HS3ST4: variants seen among roughly 807,000 people sequenced by gnomAD.
The protein encoded by HS3ST4 is heparan sulfate-glucosamine 3-sulfotransferase 4, also known as heparan sulfate glucosamine 3-O-sulfotransferase 4.
In HS3ST4, 17 loss-of-function variants were observed where a neutral mutation model predicts 29.2. That is an observed-to-expected ratio of 0.58 (90% CI 0.40 to 0.87). HS3ST4 has a LOEUF of 0.87. Ranked by LOEUF, HS3ST4 falls within the 40% of genes least tolerant of loss-of-function variation. The pLI is 0.00. For synonymous variants in HS3ST4, 314 were observed against 285.7 expected (o/e 1.10, Z -1.00); for missense variants, 627 against 634.5 (o/e 0.99, Z 0.13).
At chr16:26,088,638 T>C (rs1366830423) in intron 1 of HS3ST4, among the ~76,000 whole-genome samples, 1 of 152,240 alleles carries the variant, frequency 6.6e-6, no homozygotes, top group East Asian at 1.9e-4. Flanking sequence ...AATGACTGGA[T>C]AAGGTAGGAG....
chr16:25,945,599 A>G (rs1473140619), intron 1 of HS3ST4, among the ~76,000 whole-genome samples: 1 of 152,214 alleles, frequency 6.6e-6, no homozygotes, highest in Non-Finnish European at 1.5e-5. Flanking sequence ...TACAGTTTCT[A>G]CTACTGCAAT....
chr16:25,851,102 C>T (rs1967516782), intron 1 of HS3ST4, among the ~76,000 whole-genome samples: 1 of 152,116 alleles, frequency 6.6e-6, no homozygotes, highest in Admixed American at 6.5e-5. Context: ...GAGACATGGC[C>T]AAGCACTGTG....
intron 1 of HS3ST4, among the ~76,000 whole-genome samples, chr16:26,008,870 G>A (rs1969283104): frequency 1.3e-5 from 2 of 152,092 alleles, no homozygotes; most frequent in Non-Finnish European, 2.9e-5. Context: ...ATTTTTGGAT[G>A]GCATGTCTTC....
intron 1 of HS3ST4, among the ~76,000 whole-genome samples, chr16:26,107,303 G>A (rs1437364167): frequency 6.6e-6 from 1 of 151,728 alleles, no homozygotes; most frequent in African/African-American, 2.4e-5. Flanking sequence ...ATATGTGTGT[G>A]TGTGTGTATA....
At chr16:25,765,860 C>T (rs1422715070) in intron 1 of HS3ST4, among the ~76,000 whole-genome samples, 1 of 152,076 alleles carries the variant, frequency 6.6e-6, no homozygotes, top group East Asian at 1.9e-4. Context: ...GGGGGCTGTG[C>T]TGGGAGGGGG....
At chr16:25,880,498 G>A (rs935493558) in intron 1 of HS3ST4, among the ~76,000 whole-genome samples, 14 of 152,192 alleles carry the variant, frequency 9.2e-5, no homozygotes, top group African/African-American at 3.4e-4. Context: ...CCAAATGGGA[G>A]TAAATACTTT....
intron 1 of HS3ST4, among the ~76,000 whole-genome samples, chr16:25,886,537 TC>T (rs1246788098): frequency 8.5e-5 from 13 of 152,174 alleles, no homozygotes; most frequent in African/African-American, 2.9e-4. Context: ...AAGCTCAGTT[TC>T]CCGAAGCAAC....
At chr16:25,866,327 T>G (rs1967694209) in intron 1 of HS3ST4, among the ~76,000 whole-genome samples, 1 of 152,196 alleles carries the variant, frequency 6.6e-6, no homozygotes, top group Admixed American at 6.5e-5. Context: ...GATCTTTTGC[T>G]TAGAGAGTTT....
intron 1 of HS3ST4, among the ~76,000 whole-genome samples, chr16:25,933,639 T>TA (rs1238685598): frequency 6.6e-6 from 1 of 152,192 alleles, no homozygotes; most frequent in Non-Finnish European, 1.5e-5. Context: ...CTGAGACTGG[T>TA]AATTTATAAA....
intron 1 of HS3ST4, among the ~76,000 whole-genome samples, chr16:25,855,099 AATAGGTC>A: frequency 6.6e-6 from 1 of 152,200 alleles, no homozygotes; most frequent in African/African-American, 2.4e-5. Flanking sequence ...GTGGGGAACC[AATAGGTC>A]ATAGGAGGAT....
At chr16:26,097,159 C>T (rs1251984771) in intron 1 of HS3ST4, among the ~76,000 whole-genome samples, 2 of 152,116 alleles carry the variant, frequency 1.3e-5, no homozygotes, top group Non-Finnish European at 1.5e-5. Flanking sequence ...CCATACTGCC[C>T]AAGGTAATTT....
intron 1 of HS3ST4, among the ~76,000 whole-genome samples, chr16:25,794,416 C>A (rs890040133): frequency 1.3e-5 from 2 of 151,944 alleles, no homozygotes; most frequent in East Asian, 3.9e-4. Flanking sequence ...TAGCACAGGT[C>A]CCTGGCAATG....
intron 1 of HS3ST4, among the ~76,000 whole-genome samples, chr16:25,903,362 A>ATATTATATATATGTATATGTATG (rs1968140819): frequency 8.9e-6 from 1 of 112,468 alleles, no homozygotes; most frequent in Non-Finnish European, 2.0e-5. Flanking sequence ...GTATATGTAT[A>ATATTATATATATGTATATGTATG]TCTTATATAT....
At chr16:26,013,731 C>T (rs955531497) in intron 1 of HS3ST4, among the ~76,000 whole-genome samples, 5 of 152,190 alleles carry the variant, frequency 3.3e-5, no homozygotes, top group East Asian at 3.9e-4. Flanking sequence ...CCACTCTGGC[C>T]GGGAGCGGTG....
At position 25,716,820 on chromosome 16, in the gene HS3ST4, G is replaced by A. The variant is rs145350284; in HGVS notation, c.734+23669G>A. Among the ~76,000 whole-genome samples the A allele has an allele frequency of 3.1e-3, 473 of 152,300 alleles. 1 individual carries two copies. Among genetic ancestry groups the A allele is most frequent in the African/African-American group, 0.011 (463 of 41,560 alleles). On this transcript the variant is annotated intron_variant, in intron 1 of 1. Transcript: ENST00000331351. ...TGTAATCCTAGCACTTTGGGAGGCTGAGACAGGCGGATCACCTGAAGTTGG... is the reference window on the plus strand; with the variant it reads ...TGTAATCCTAGCACTTTGGGAGGCTAAGACAGGCGGATCACCTGAAGTTGG...
intron 1 of HS3ST4, among the ~76,000 whole-genome samples, chr16:26,012,494 G>A (rs1969319861): frequency 6.6e-6 from 1 of 152,172 alleles, no homozygotes; most frequent in Non-Finnish European, 1.5e-5. Flanking sequence ...TTTCTCAGAA[G>A]CCACTAATAT....
chr16:26,077,819 C>T (rs1277885967), intron 1 of HS3ST4, among the ~76,000 whole-genome samples: 1 of 152,204 alleles, frequency 6.6e-6, no homozygotes, highest in Non-Finnish European at 1.5e-5. Context: ...GCCTATAATT[C>T]CAACACTTTA....
At chr16:26,019,380 A>G (rs1000188413) in intron 1 of HS3ST4, among the ~76,000 whole-genome samples, 2 of 152,254 alleles carry the variant, frequency 1.3e-5, no homozygotes, top group Admixed American at 1.3e-4. Context: ...TCTTAAGCAT[A>G]CAATATTCTT....
At chr16:25,715,808 A>T (rs1372527468) in intron 1 of HS3ST4, among the ~76,000 whole-genome samples, 4 of 152,162 alleles carry the variant, frequency 2.6e-5, no homozygotes, top group Non-Finnish European at 5.9e-5. Flanking sequence ...TCTGTCCATG[A>T]TTTGCCCTAT....
Sources: allele counts gnomAD v4.1 joint callset (sites outside exome capture counted in the v4.1 genomes callset), GRCh38; gene constraint gnomAD v4.1.1; transcripts MANE v1.5; gene names NCBI Gene and HGNC (gene_info 2026-07-23, HGNC 2026-07-21).